The following PCDHGA8 variants were observed in gnomAD, a reference collection of about 807,000 sequenced individuals.
PCDHGA8 encodes protocadherin gamma subfamily A, 8.
PCDHGA8 carries 45 observed loss-of-function variants against 59.2 expected under a neutral mutation model. The ratio of observed to expected loss-of-function variants is 0.76; its 90% CI spans 0.60 to 0.98. The LOEUF is 0.98. Ranked by LOEUF, PCDHGA8 falls within the 50% of genes least tolerant of loss-of-function variation. The pLI, the probability that PCDHGA8 is intolerant of heterozygous loss-of-function variation, is 0.00. For synonymous variants in PCDHGA8, 531 were observed against 519.0 expected (o/e 1.02, Z -0.32); for missense variants, 1,257 against 1,196.2 (o/e 1.05, Z -0.75).
Position 141,487,298 on chromosome 5 carries a change from G to T in PCDHGA8, c.2425-7509G>T. 6.2e-7 allele frequency: 1 copy of T among 1,614,072 alleles called. No individual in the cohort carries two copies. Among genetic ancestry groups the T allele is most frequent in the Non-Finnish European group, 8.5e-7 (1 of 1,180,018 alleles). ...TTGCTTTGTCTCCTTTGGCTCATTC[G>T]TGGCACTACTCTCTAAGTGTCTTCG... On this transcript the variant is annotated intron_variant, in intron 1 of 3. Coordinates refer to ENST00000398604, the MANE Select transcript of PCDHGA8 (RefSeq NM_032088.2). This position sits in a 1 kb window ranked among gnomAD's most constrained non-coding sequence, Gnocchi z 5.0.
chr5:141,399,738 G>C (rs1484510317), intron 1 of PCDHGA8: 2 of 1,613,268 alleles, frequency 1.2e-6, no homozygotes, highest in African/African-American at 1.3e-5. Flanking sequence ...GCTCGCCTGC[G>C]CTCAGCGCAA....
intron 1 of PCDHGA8, among the ~76,000 whole-genome samples, chr5:141,459,789 G>A (rs960868607): frequency 6.6e-6 from 1 of 152,206 alleles, no homozygotes; most frequent in Non-Finnish European, 1.5e-5. Context: ...AGTTTCAACT[G>A]TTTTTCCCTG....
intron 1 of PCDHGA8, chr5:141,403,476 A>T: frequency 6.2e-7 from 1 of 1,613,972 alleles, no homozygotes; most frequent in Non-Finnish European, 8.5e-7. Flanking sequence ...CTCAGCCCCA[A>T]TCACCACTTC....
chr5:141,474,563 A>G lies in PCDHGA8; in HGVS notation c.2425-20244A>G, dbSNP rs143794984. 1.4e-3 allele frequency among the ~76,000 whole-genome samples: 210 copies of G among 152,332 alleles called. 2 individuals are homozygous for G. The highest frequency in any genetic ancestry group is 5.0e-3 in the African/African-American group (207 of 41,572). ...TGAGCATTTAAAACTGGGGGTTTTC[A>G]GAGATTAATTGAAGTGTTAAAGACA... On this transcript the variant is annotated intron_variant, in intron 1 of 3. Coordinates refer to ENST00000398604, the MANE Select transcript of PCDHGA8 (RefSeq NM_032088.2).
At chr5:141,505,816 C>A (rs1236221927) in intron 3 of PCDHGA8, among the ~76,000 whole-genome samples, 2 of 152,178 alleles carry the variant, frequency 1.3e-5, no homozygotes, top group African/African-American at 4.8e-5. Flanking sequence ...CTTGCTCAAT[C>A]TCTCTAAACC....
intron 2 of PCDHGA8, among the ~76,000 whole-genome samples, chr5:141,495,943 C>T (rs998665622): frequency 3.9e-5 from 6 of 152,010 alleles, no homozygotes; most frequent in African/African-American, 1.4e-4. Flanking sequence ...GTCTCTGTGC[C>T]TGTTGTCTTT....
intron 1 of PCDHGA8, chr5:141,419,929 T>C: frequency 6.2e-7 from 1 of 1,614,076 alleles, no homozygotes; most frequent in Non-Finnish European, 8.5e-7. Context: ...AGATGCAGTT[T>C]TACCTGGTGG....
intron 1 of PCDHGA8, chr5:141,422,115 T>G: frequency 6.2e-7 from 1 of 1,605,004 alleles, no homozygotes; most frequent in Non-Finnish European, 8.5e-7. Context: ...TCCAATTGGA[T>G]TCACAAACTG....
Position 141,491,906 on chromosome 5 carries a change from T to A in PCDHGA8, c.2425-2901T>A, listed in dbSNP as rs1490050332. On this transcript the variant is annotated intron_variant, in intron 1 of 3. Transcript: ENST00000398604. The surrounding 1 kb of genome is among the most constrained non-coding windows in gnomAD (Gnocchi z 6.9). ...ATGGGGCTCCGAGCACCGGGGGTGG[T>A]GGCGACTGTGGGCGAGGGGAGGTGG... is the stretch of plus-strand genomic sequence containing the variant. 7.1e-7 allele frequency: 1 copy of A among 1,414,468 alleles called. No individual in the cohort carries two copies. Among genetic ancestry groups the A allele is most frequent in the African/African-American group, 1.4e-5 (1 of 69,002 alleles). 87.6% of individuals were successfully genotyped at this position (1,414,468 alleles called of 1,614,324 possible).
At chr5:141,414,356 T>C in intron 1 of PCDHGA8, 1 of 1,613,950 alleles carries the variant, frequency 6.2e-7, no homozygotes, top group Non-Finnish European at 8.5e-7. Flanking sequence ...TTGGCGTATC[T>C]ACCATTTAAA....
intron 1 of PCDHGA8, chr5:141,399,534 A>G (rs772655467): frequency 3.7e-6 from 6 of 1,614,030 alleles, no homozygotes; most frequent in Middle Eastern, 1.6e-4. Flanking sequence ...CCATCGCGCA[A>G]GTCTGCGCCT....
intron 1 of PCDHGA8, among the ~76,000 whole-genome samples, chr5:141,435,840 T>G (rs1408413470): frequency 6.6e-6 from 1 of 152,118 alleles, no homozygotes; most frequent in Non-Finnish European, 1.5e-5. Context: ...CCTATCTACT[T>G]TGAAAGATAC....
chr5:141,499,689 C>CTTTT (rs545067566), intron 2 of PCDHGA8, among the ~76,000 whole-genome samples: 17 of 119,848 alleles, frequency 1.4e-4, no homozygotes, highest in East Asian at 2.4e-4. Context: ...TAACAGATGA[C>CTTTT]TTTTTTTTTT....
chr5:141,431,681 G>A lies in PCDHGA8; in HGVS notation c.2424+36444G>A. The A allele has an allele frequency of 6.2e-7, 1 of 1,614,214 alleles. No homozygotes were observed. The highest frequency in any genetic ancestry group is 1.1e-5 in the South Asian group (1 of 91,086). ...GACAATATCAACAATAGGGGAGTTG[G>A]ACCACGAGGAGTCAGGATTCTACCA... On this transcript the variant is annotated intron_variant, in intron 1 of 3. Coordinates refer to ENST00000398604, the MANE Select transcript of PCDHGA8 (RefSeq NM_032088.2). This position sits in a 1 kb window ranked among gnomAD's most constrained non-coding sequence, Gnocchi z 4.8.
At chr5:141,450,129 C>T (rs1211301953) in intron 1 of PCDHGA8, among the ~76,000 whole-genome samples, 1 of 151,472 alleles carries the variant, frequency 6.6e-6, no homozygotes, top group African/African-American at 2.4e-5. Context: ...GCCTTAGCCT[C>T]CTGAGTAGCT....
At chr5:141,398,384 T>A (rs1413881140) in intron 1 of PCDHGA8, 1 of 1,454,330 alleles carries the variant, frequency 6.9e-7, no homozygotes, top group East Asian at 2.3e-5. Context: ...GAGTTGCTTG[T>A]GAGCAGCAGG....
chr5:141,497,110 C>T (rs964183820), intron 2 of PCDHGA8, among the ~76,000 whole-genome samples: 2 of 151,738 alleles, frequency 1.3e-5, no homozygotes, highest in African/African-American at 2.4e-5. Context: ...TGCTTGAACC[C>T]GGAAGGCAGA....
chr5:141,428,459 A>G (rs1322945046), intron 1 of PCDHGA8: 2 of 350,154 alleles, frequency 5.7e-6, no homozygotes, highest in Non-Finnish European at 1.1e-5. Flanking sequence ...CCCAACTACA[A>G]TGAGGGAACT....
intron 1 of PCDHGA8, among the ~76,000 whole-genome samples, chr5:141,433,974 C>A (rs1045247496): frequency 6.6e-6 from 1 of 152,026 alleles, no homozygotes; most frequent in Non-Finnish European, 1.5e-5. Context: ...GGCTTTCTAC[C>A]TTGAAGAAGA....
Sources: gnomAD v4.1 joint callset for allele counts (sites outside exome capture counted in the v4.1 genomes callset) on GRCh38, gnomAD v4.1.1 for gene constraint, Gnocchi (gnomAD v3.1) non-coding constraint, MANE v1.5 for transcripts, NCBI Gene and HGNC (gene_info 2026-07-23, HGNC 2026-07-21) for gene names.